Variants in TACR3 observed in about 807,000 individuals in gnomAD.
TACR3 encodes tachykinin receptor 3, also known as neuromedin-K receptor.
TACR3 carries 34 observed loss-of-function variants against 35.0 expected under a neutral mutation model. The ratio of observed to expected loss-of-function variants is 0.97; its 90% CI spans 0.74 to 1.30. TACR3 has a LOEUF of 1.30. Among genes scored for constraint, TACR3 ranks in the 50% most tolerant of loss-of-function variants. TACR3 has a pLI of 0.00. For synonymous variants in TACR3, 233 were observed against 221.1 expected (o/e 1.05, Z -0.48); for missense variants, 558 against 591.7 (o/e 0.94, Z 0.59).
intron 1 of TACR3, among the ~76,000 whole-genome samples, chr4:103,694,591 A>C (rs1271587803): frequency 6.6e-6 from 1 of 152,126 alleles, no homozygotes; most frequent in Non-Finnish European, 1.5e-5. Context: ...CTCTAGATTA[A>C]AGTCACTTTC....
At chr4:103,633,719 G>T (rs1725119110) in intron 3 of TACR3, among the ~76,000 whole-genome samples, 1 of 151,998 alleles carries the variant, frequency 6.6e-6, no homozygotes, top group Non-Finnish European at 1.5e-5. Context: ...CCTTATCCAG[G>T]TCATTGCAAT....
chr4:103,624,452 C>T (rs1168136254), intron 3 of TACR3: 1 of 151,816 alleles, frequency 6.6e-6, no homozygotes, highest in Non-Finnish European at 1.5e-5. Context: ...TAAATGTTTT[C>T]AAATAAAAAA....
chr4:103,594,694 GT>G (rs1723968212), intron 3 of TACR3, among the ~76,000 whole-genome samples: 2 of 152,042 alleles, frequency 1.3e-5, no homozygotes, highest in Non-Finnish European at 2.9e-5. Context: ...AATTTTCATA[GT>G]GCAAAAAGTT....
intron 3 of TACR3, among the ~76,000 whole-genome samples, chr4:103,608,202 T>C (rs183177808): frequency 3.3e-5 from 5 of 152,236 alleles, no homozygotes. Flanking sequence ...ATGTGGTTCA[T>C]ATACACCATG....
intron 1 of TACR3, 46 bp from the exon 2 acceptor site, chr4:103,658,449 A>G (rs1378792828): frequency 6.4e-7 from 1 of 1,570,920 alleles, no homozygotes; most frequent in Non-Finnish European, 8.7e-7. Flanking sequence ...TCTTTATAAC[A>G]GAGTTTGAAA....
rs1472756996 is a variant in TACR3, at chr4:103,589,642, A to G, written c.*40T>C. The G allele has an allele frequency of 1.9e-6, 3 of 1,611,320 alleles. No individual in the cohort carries two copies. In the South Asian group the frequency reaches 3.3e-5, roughly 18 times the overall value. ...GAGAATGGGGTCCTAGACTGGCACC[A>G]TGATGGTCTCACACTAATCTTTTAC... On this transcript the variant is annotated 3_prime_UTR_variant, in exon 5 of 5. Transcript: ENST00000304883.
In TACR3 at chr4:103,588,468, T is replaced by C. The variant is rs181431289; in HGVS notation, c.*1214A>G. On this transcript the variant is annotated 3_prime_UTR_variant, in exon 5 of 5. Coordinates refer to ENST00000304883, the MANE Select transcript of TACR3 (RefSeq NM_001059.3). ...AAATGTGCTAGTATATATCTTCTTGTAGTAAATGTGATGCTTTCTTAGGAC... is the reference window on the plus strand; with the variant it reads ...AAATGTGCTAGTATATATCTTCTTGCAGTAAATGTGATGCTTTCTTAGGAC... 2 of 152,258 alleles carry C rather than the reference T, an allele frequency of 1.3e-5. No individual in the cohort carries two copies. The highest frequency in any genetic ancestry group is 1.3e-4 in the Admixed American group (2 of 15,276). 9.4% of individuals were successfully genotyped at this position (152,258 alleles called of 1,614,324 possible). A position where few individuals can be genotyped will look rare whatever the true frequency, so the allele number is the denominator to read the frequency against.
At chr4:103,685,777 C>T (rs1722214385) in intron 1 of TACR3, among the ~76,000 whole-genome samples, 1 of 151,982 alleles carries the variant, frequency 6.6e-6, no homozygotes, top group South Asian at 2.1e-4. Context: ...TAAACAAAGG[C>T]CATATAAGTT....
chr4:103,611,515 A>C (rs2110297432), intron 3 of TACR3, among the ~76,000 whole-genome samples: 1 of 152,236 alleles, frequency 6.6e-6, no homozygotes, highest in South Asian at 2.1e-4. Context: ...GGGGGAGTAA[A>C]ATTTGTTGGA....
chr4:103,652,758 C>T (rs1560822989), intron 3 of TACR3, among the ~76,000 whole-genome samples: 1 of 151,588 alleles, frequency 6.6e-6, no homozygotes, highest in African/African-American at 2.4e-5. Flanking sequence ...GTAGCCAATA[C>T]TTTTTTTTAA....
Position 103,663,749 on chromosome 4 carries a change from C to T in TACR3, c.549-5346G>A, listed in dbSNP as rs185476612. Among the ~76,000 whole-genome samples, 355 of 152,246 alleles carry T rather than the reference C, an allele frequency of 2.3e-3. 2 individuals carry two copies. The highest frequency in any genetic ancestry group is 0.017 in the Middle Eastern group (5 of 294). On this transcript the variant is annotated intron_variant, in intron 1 of 4. Transcript: ENST00000304883. ...TATTTGAAATTGTTGATTTGGAATT[C>T]GTTTGGGCACCAATATTTTCTATTT...
intron 3 of TACR3, among the ~76,000 whole-genome samples, chr4:103,652,354 G>A (rs1244457037): frequency 6.6e-6 from 1 of 152,056 alleles, no homozygotes; most frequent in Non-Finnish European, 1.5e-5. Flanking sequence ...GATCAGTTTT[G>A]CTTTCTCCTG....
chr4:103,666,624 A>G (rs1446801805), intron 1 of TACR3, among the ~76,000 whole-genome samples: 1 of 152,198 alleles, frequency 6.6e-6, no homozygotes, highest in African/African-American at 2.4e-5. Flanking sequence ...AGTAATTACA[A>G]AATGATTTGT....
chr4:103,640,744 T>A (rs867943862), intron 3 of TACR3, among the ~76,000 whole-genome samples: 1 of 151,684 alleles, frequency 6.6e-6, no homozygotes, highest in Admixed American at 6.6e-5. Flanking sequence ...GATTTTTTTT[T>A]ACGATTTTTT....
chr4:103,663,545 T>A (rs1725878734), intron 1 of TACR3, among the ~76,000 whole-genome samples: 1 of 152,094 alleles, frequency 6.6e-6, no homozygotes, highest in Non-Finnish European at 1.5e-5. Flanking sequence ...AAGTAAGTTA[T>A]CTAACTTATG....
At chr4:103,591,417 GAAC>G (rs1723890326) in intron 4 of TACR3, 67 bp downstream of exon 4, 2 of 1,571,192 alleles carry the variant, frequency 1.3e-6, no homozygotes, top group Non-Finnish European at 8.8e-7. Context: ...CAAGAAAATG[GAAC>G]AACATTGTAT....
intron 3 of TACR3, among the ~76,000 whole-genome samples, chr4:103,597,866 A>C (rs971054569): frequency 6.6e-6 from 1 of 152,078 alleles, no homozygotes; most frequent in African/African-American, 2.4e-5. Context: ...TGGACATTTA[A>C]GTTGGTTCCA....
chr4:103,681,460 TTAAAAG>T (rs1722084568), intron 1 of TACR3, among the ~76,000 whole-genome samples: 1 of 152,046 alleles, frequency 6.6e-6, no homozygotes, highest in Admixed American at 6.6e-5. Context: ...CATAGGTATA[TTAAAAG>T]TAAAATGGTA....
chr4:103,699,508 T>C lies in TACR3; in HGVS notation c.548+19620A>G, dbSNP rs555591594. On this transcript the variant is annotated intron_variant, in intron 1 of 4. Coordinates refer to ENST00000304883, the MANE Select transcript of TACR3 (RefSeq NM_001059.3). ...GTAGAGGAGATATATTGTGATTCCA[T>C]TGCTAATAGGTTCACTCTGGCTGTT... Among the ~76,000 whole-genome samples, 11 of 152,236 alleles carry C rather than the reference T, an allele frequency of 7.2e-5. No individual in the cohort carries two copies. In the East Asian group the frequency reaches 2.1e-3, roughly 30 times the overall value.
Sources: gnomAD v4.1 joint callset for allele counts (sites outside exome capture counted in the v4.1 genomes callset) on GRCh38, gnomAD v4.1.1 for gene constraint, MANE v1.5 for transcripts, NCBI Gene and HGNC (gene_info 2026-07-23, HGNC 2026-07-21) for gene names.